The following ABCB4 variants were observed in gnomAD, a reference collection of about 807,000 sequenced individuals.
The protein encoded by ABCB4 is ATP binding cassette subfamily B member 4, also known as phosphatidylcholine translocator ABCB4.
ABCB4 carries 76 observed loss-of-function variants against 145.7 expected under a neutral mutation model. That is an observed-to-expected ratio of 0.52 (90% CI 0.43 to 0.63). The LOEUF (loss-of-function observed/expected upper bound fraction) is 0.63, where lower values mean the gene tolerates loss of function less well. ABCB4 is among the 30% of genes least tolerant of loss of function. ABCB4 has a pLI of 0.00. For synonymous variants in ABCB4, 517 were observed against 566.8 expected (o/e 0.91, Z 1.25); for missense variants, 1,234 against 1,553.1 (o/e 0.79, Z 3.45).
intron 3 of ABCB4, among the ~76,000 whole-genome samples, chr7:87,468,637 A>G (rs1813102505): frequency 6.6e-6 from 1 of 152,192 alleles, no homozygotes; most frequent in African/African-American, 2.4e-5. Context: ...AATCCTCAAT[A>G]AAATACTGGC....
At chr7:87,367,309 G>A in the ABCB4 span, among the ~76,000 whole-genome samples, 1 of 152,154 alleles carries the variant, frequency 6.6e-6, no homozygotes, top group Non-Finnish European at 1.5e-5. Flanking sequence ...GATGGAAGAA[G>A]GGGTTCATGA....
the ABCB4 span, among the ~76,000 whole-genome samples, chr7:87,384,139 C>T: frequency 2.0e-5 from 3 of 152,120 alleles, no homozygotes; most frequent in Non-Finnish European, 4.4e-5. Flanking sequence ...GGTGATGTCT[C>T]ATTGTAGTTT....
At chr7:87,416,261 C>T (rs938530527) in intron 21 of ABCB4, among the ~76,000 whole-genome samples, 26 of 152,316 alleles carry the variant, frequency 1.7e-4, no homozygotes, top group African/African-American at 6.0e-4. Context: ...TTAGTGGAAA[C>T]ATGGTTAGTC....
At chr7:87,443,151 T>A (rs1183198573) in intron 12 of ABCB4, among the ~76,000 whole-genome samples, 168 bp downstream of exon 12, 47 of 152,234 alleles carry the variant, frequency 3.1e-4, no homozygotes, top group Non-Finnish European at 4.4e-5. Context: ...TTTAATGCAT[T>A]TGTGAAACCA....
intron 2 of ABCB4, among the ~76,000 whole-genome samples, chr7:87,474,985 A>G (rs1813696251): frequency 6.6e-6 from 1 of 152,218 alleles, no homozygotes; most frequent in Non-Finnish European, 1.5e-5. Flanking sequence ...CCCTTGTTCA[A>G]AAAGCACAGC....
At chr7:87,389,386 A>G in the ABCB4 span, among the ~76,000 whole-genome samples, 4 of 152,206 alleles carry the variant, frequency 2.6e-5, no homozygotes, top group African/African-American at 9.6e-5. Context: ...GTGCCCATCA[A>G]TGATAGACTA....
the ABCB4 span, among the ~76,000 whole-genome samples, chr7:87,395,375 A>G: frequency 6.6e-6 from 1 of 152,174 alleles, no homozygotes; most frequent in Admixed American, 6.5e-5. Context: ...CTCAAATGTT[A>G]ATCTCCTTTG....
At chr7:87,445,371 T>C (rs1811275408) in intron 9 of ABCB4, among the ~76,000 whole-genome samples, 1 of 152,168 alleles carries the variant, frequency 6.6e-6, no homozygotes, top group Admixed American at 6.6e-5. Flanking sequence ...GTAATGCTCC[T>C]AAAAAGCACC....
At chr7:87,473,836 A>G (rs1813611689) in intron 2 of ABCB4, among the ~76,000 whole-genome samples, 1 of 152,194 alleles carries the variant, frequency 6.6e-6, no homozygotes, top group Non-Finnish European at 1.5e-5. Flanking sequence ...AGATGATTCC[A>G]AATTATGTAA....
rs1160352032 is a variant in ABCB4, at chr7:87,475,574, G to A, written c.-7+60C>T. On this transcript the variant is annotated intron_variant, in intron 1 of 27. Transcript: ENST00000649586. ...ACTGGGTGGAGGTCCGGCCACTCCC[G>A]CCCCGCGCCCCACGTCCCGGGTCTC... 7 of 1,110,886 alleles carry A rather than the reference G, an allele frequency of 6.3e-6. No individual in the cohort carries two copies. The East Asian group carries it at 1.0e-4, about 16-fold the overall frequency. 68.8% of individuals were successfully genotyped at this position (1,110,886 alleles called of 1,614,324 possible). A position where few individuals can be genotyped will look rare whatever the true frequency, so the allele number is the denominator to read the frequency against.
At chr7:87,419,895 TG>T in intron 19 of ABCB4, 102 bp downstream of exon 19, 1 of 1,252,786 alleles carries the variant, frequency 8.0e-7, no homozygotes, top group Non-Finnish European at 1.2e-6. Context: ...GTGAATACCC[TG>T]GGGGGAAAAC....
chr7:87,391,835 C>A, the ABCB4 span: 33 of 971,284 alleles, frequency 3.4e-5, no homozygotes, highest in South Asian at 1.5e-4. Context: ...TTTGAGACAT[C>A]TTTTCTGAGG....
At chr7:87,380,047 G>A in the ABCB4 span, among the ~76,000 whole-genome samples, 1 of 152,034 alleles carries the variant, frequency 6.6e-6, no homozygotes, top group Admixed American at 6.6e-5. Flanking sequence ...GGAGGTCCAG[G>A]TTGCAGTGAG....
chr7:87,471,141 C>CA (rs1563007754), intron 3 of ABCB4, among the ~76,000 whole-genome samples: 2 of 151,790 alleles, frequency 1.3e-5, no homozygotes, highest in Non-Finnish European at 2.9e-5. Context: ...CTCATGTTCT[C>CA]ACTCACAGGT....
the ABCB4 span, chr7:87,369,442 T>G: frequency 5.0e-6 from 8 of 1,613,296 alleles, no homozygotes; most frequent in Admixed American, 1.7e-5. Context: ...GTCTTTGATG[T>G]AATACATGAA....
At chr7:87,449,908 A>G in intron 8 of ABCB4, 60 bp downstream of exon 8, 1 of 1,613,608 alleles carries the variant, frequency 6.2e-7, no homozygotes, top group Non-Finnish European at 8.5e-7. Context: ...TACCACAAAG[A>G]AGAAGCAACA....
At chr7:87,463,139 T>G (rs1013209623) in intron 3 of ABCB4, among the ~76,000 whole-genome samples, 1 of 152,170 alleles carries the variant, frequency 6.6e-6, no homozygotes, top group African/African-American at 2.4e-5. Context: ...CTGATTTGAA[T>G]AAATAATTAC....
chr7:87,441,532 C>T (rs764454615), intron 12 of ABCB4, among the ~76,000 whole-genome samples: 3 of 151,356 alleles, frequency 2.0e-5, no homozygotes, highest in Middle Eastern at 3.5e-3. Flanking sequence ...AAATATAATA[C>T]TTTTTCCATA....
intron 7 of ABCB4, among the ~76,000 whole-genome samples, chr7:87,450,908 A>G (rs1432629052): frequency 2.6e-5 from 4 of 152,218 alleles, no homozygotes; most frequent in Non-Finnish European, 5.9e-5. Flanking sequence ...AAAAATTGCC[A>G]GTAAAATTTC....
Sources: gnomAD v4.1 joint callset for allele counts (sites outside exome capture counted in the v4.1 genomes callset) on GRCh38, gnomAD v4.1.1 for gene constraint, MANE v1.5 for transcripts, NCBI Gene and HGNC (gene_info 2026-07-23, HGNC 2026-07-21) for gene names.